The following GNAQ variants were observed in gnomAD, a reference collection of about 807,000 sequenced individuals.
GNAQ encodes the protein G protein subunit alpha q.
GNAQ carries 8 observed loss-of-function variants against 43.9 expected under a neutral mutation model. The observed-to-expected ratio is 0.18, with a 90% CI of 0.11 to 0.33. GNAQ has a LOEUF of 0.33. Ranked by LOEUF, GNAQ falls within the 10% of genes least tolerant of loss-of-function variation. The pLI is 1.00. For missense variants in GNAQ, 158 were observed against 450.8 expected (o/e 0.35, Z 5.88); for synonymous variants, 155 against 170.7 (o/e 0.91, Z 0.71).
chr9:78,027,535 A>C (rs1384097639), intron 1 of GNAQ, among the ~76,000 whole-genome samples: 1 of 152,082 alleles, frequency 6.6e-6, no homozygotes, highest in African/African-American at 2.4e-5. Flanking sequence ...TCTTCCATTT[A>C]AGACTGGCCT....
intron 1 of GNAQ, among the ~76,000 whole-genome samples, chr9:77,984,602 C>T (rs1054187019): frequency 6.6e-6 from 1 of 152,166 alleles, no homozygotes; most frequent in Non-Finnish European, 1.5e-5. Context: ...AAACAAGTAG[C>T]TCCTTATTGT....
chr9:77,954,522 A>G (rs890965818), intron 1 of GNAQ, among the ~76,000 whole-genome samples: 4 of 152,192 alleles, frequency 2.6e-5, no homozygotes, highest in African/African-American at 9.7e-5. Flanking sequence ...GGGCACACCC[A>G]CTGTGTCACC....
intron 1 of GNAQ, among the ~76,000 whole-genome samples, chr9:77,994,610 T>C (rs986528121): frequency 6.6e-6 from 1 of 152,180 alleles, no homozygotes; most frequent in Admixed American, 6.5e-5. Context: ...TCCACCTCAA[T>C]CACTAACAAT....
At chr9:77,751,185 G>C (rs1162572169) in intron 5 of GNAQ, among the ~76,000 whole-genome samples, 1 of 152,206 alleles carries the variant, frequency 6.6e-6, no homozygotes, top group Non-Finnish European at 1.5e-5. Context: ...TGGGAAATTA[G>C]TAATGGCCTG....
intron 1 of GNAQ, among the ~76,000 whole-genome samples, chr9:77,954,490 C>T (rs765081667): frequency 2.7e-4 from 41 of 152,262 alleles, no homozygotes; most frequent in Admixed American, 9.2e-4. Flanking sequence ...AACAGGAGAA[C>T]GATACAAAGA....
intron 4 of GNAQ, among the ~76,000 whole-genome samples, chr9:77,795,604 C>T (rs567765109): frequency 2.1e-4 from 32 of 152,242 alleles, no homozygotes; most frequent in African/African-American, 6.5e-4. Context: ...AGTCACTACT[C>T]GTAAGCCTAG....
At chr9:77,894,291 CTG>C (rs200645689) in intron 2 of GNAQ, among the ~76,000 whole-genome samples, 751 of 16,288 alleles carry the variant, frequency 0.046, 12 homozygotes, top group African/African-American at 0.17. Flanking sequence ...TAATAATACA[CTG>C]TTTTAATAGA....
chr9:77,908,863 A>C (rs779690353), intron 2 of GNAQ, among the ~76,000 whole-genome samples: 12 of 152,176 alleles, frequency 7.9e-5, no homozygotes, highest in Non-Finnish European at 1.3e-4. Context: ...ACTGAAATAC[A>C]AATATGCATT....
At chr9:77,913,708 C>T (rs1002132242) in intron 2 of GNAQ, among the ~76,000 whole-genome samples, 10 of 152,108 alleles carry the variant, frequency 6.6e-5, no homozygotes, top group East Asian at 1.9e-4. Flanking sequence ...AACTAATCTA[C>T]GTTACCAGAA....
intron 2 of GNAQ, among the ~76,000 whole-genome samples, chr9:77,817,339 G>T (rs944612472): frequency 6.6e-6 from 1 of 152,060 alleles, no homozygotes; most frequent in African/African-American, 2.4e-5. Context: ...GCATAATCAG[G>T]GCCTAGCAAG....
chr9:77,831,685 T>C (rs569391612), intron 2 of GNAQ, among the ~76,000 whole-genome samples: 76 of 152,326 alleles, frequency 5.0e-4, no homozygotes, highest in Non-Finnish European at 6.8e-4. Flanking sequence ...ACCTTAATAT[T>C]ACTGTGCCTG....
At chr9:77,880,909 T>C (rs539858788) in intron 2 of GNAQ, among the ~76,000 whole-genome samples, 41 of 152,236 alleles carry the variant, frequency 2.7e-4, no homozygotes, top group Admixed American at 1.5e-3. Flanking sequence ...ACGAGCGAAG[T>C]AGGAACTGGG....
rs957669743 is a variant in GNAQ at position 77,813,059 on chromosome 9, C to T, written c.476+2557G>A. 2.6e-5 allele frequency among the ~76,000 whole-genome samples: 4 copies of T among 151,848 alleles called. No homozygotes were observed. In the South Asian group the frequency reaches 8.3e-4, roughly 32 times the overall value. ...TCCTGAGTAGCTAGGACTACAGGCG[C>T]ACCCCACCACGCCTGGCTACTTTTT... On this transcript the variant is annotated intron_variant, in intron 3 of 6. Coordinates refer to ENST00000286548, the MANE Select transcript of GNAQ (RefSeq NM_002072.5).
chr9:77,727,843 C>T (rs950394591), intron 6 of GNAQ, among the ~76,000 whole-genome samples: 4 of 152,072 alleles, frequency 2.6e-5, no homozygotes, highest in African/African-American at 9.7e-5. Context: ...CTCTTAACTT[C>T]AAAATTGTGT....
intron 2 of GNAQ, among the ~76,000 whole-genome samples, chr9:77,833,443 C>T (rs1429410227): frequency 2.0e-5 from 3 of 152,196 alleles, no homozygotes; most frequent in Non-Finnish European, 2.9e-5. Context: ...GGTAAGTTGG[C>T]ACTCAGTCAC....
chr9:77,848,012 C>T (rs996394626), intron 2 of GNAQ, among the ~76,000 whole-genome samples: 5 of 152,180 alleles, frequency 3.3e-5, no homozygotes, highest in African/African-American at 1.2e-4. Context: ...GTGATGTAGT[C>T]GTGTTGGATG....
chr9:77,810,539 A>G (rs1241334786), intron 3 of GNAQ, among the ~76,000 whole-genome samples: 2 of 152,238 alleles, frequency 1.3e-5, no homozygotes, highest in Non-Finnish European at 2.9e-5. Flanking sequence ...TTCAGTAAAT[A>G]GCAGCTATTA....
At position 77,721,281 on chromosome 9, in the gene GNAQ, A is replaced by C; in HGVS notation, c.*42T>G. On this transcript the variant is annotated 3_prime_UTR_variant, in exon 7 of 7. Coordinates refer to ENST00000286548, the MANE Select transcript of GNAQ (RefSeq NM_002072.5). The stretch of plus-strand genomic sequence containing the variant: ...ACAGTCCCTCTTGTGTATCTTCAAT[A>C]GCCCACCAGGGAAGGGCAGGGCGGG... 7.8e-7 allele frequency: 1 copy of C among 1,276,968 alleles called. No homozygotes were observed. The highest frequency in any genetic ancestry group is 1.1e-6 in the Non-Finnish European group (1 of 899,752). The allele number at this position is 1,276,968 out of a possible 1,614,324, so 79.1% of individuals were successfully genotyped here.
chr9:77,906,271 T>A (rs918233370), intron 2 of GNAQ, among the ~76,000 whole-genome samples: 2 of 152,140 alleles, frequency 1.3e-5, no homozygotes, highest in Non-Finnish European at 2.9e-5. Flanking sequence ...ATGAAGTACA[T>A]CATCAGTATT....
Sources: allele counts gnomAD v4.1 joint callset (sites outside exome capture counted in the v4.1 genomes callset), GRCh38; gene constraint gnomAD v4.1.1; transcripts MANE v1.5; gene names NCBI Gene and HGNC (gene_info 2026-07-23, HGNC 2026-07-21).